Variants in MREG observed in about 807,000 individuals in gnomAD.
The protein encoded by MREG is melanoregulin.
In MREG, 31 loss-of-function variants were observed where a neutral mutation model predicts 28.5. The ratio of observed to expected loss-of-function variants is 1.09; its 90% CI spans 0.82 to 1.47. MREG has a LOEUF of 1.47. Among genes scored for constraint, MREG ranks in the 40% most tolerant of loss-of-function variants. The pLI is 0.00. For missense variants in MREG, 256 were observed against 257.4 expected (o/e 0.99, Z 0.04); for synonymous variants, 106 against 95.2 (o/e 1.11, Z -0.66).
At chr2:215,976,250 T>A (rs1693256481) in intron 2 of MREG, among the ~76,000 whole-genome samples, 1 of 152,234 alleles carries the variant, frequency 6.6e-6, no homozygotes, top group South Asian at 2.1e-4. Context: ...CCCATGCATC[T>A]TGCCTTCTAT....
intron 1 of MREG, among the ~76,000 whole-genome samples, chr2:216,007,484 C>T (rs562944771): frequency 6.6e-6 from 1 of 151,938 alleles, no homozygotes; most frequent in South Asian, 2.1e-4. Flanking sequence ...GGCTGGAGTG[C>T]AGTATCTCAA....
chr2:215,975,401 C>G (rs1387594143), intron 2 of MREG, among the ~76,000 whole-genome samples: 1 of 152,100 alleles, frequency 6.6e-6, no homozygotes, highest in East Asian at 1.9e-4. Flanking sequence ...GCCCACTGAC[C>G]ATAGGCTAGA....
intron 1 of MREG, among the ~76,000 whole-genome samples, chr2:215,997,372 T>C (rs753995267): frequency 6.6e-6 from 1 of 152,208 alleles, no homozygotes; most frequent in African/African-American, 2.4e-5. Flanking sequence ...AGAAGATTAG[T>C]GACAGAGCAT....
chr2:215,977,206 C>T (rs1270902459), intron 2 of MREG, among the ~76,000 whole-genome samples: 1 of 152,012 alleles, frequency 6.6e-6, no homozygotes, highest in Non-Finnish European at 1.5e-5. Flanking sequence ...AAATGGAAAC[C>T]AACAAAAAGC....
intron 2 of MREG, among the ~76,000 whole-genome samples, chr2:215,975,008 T>TTATA (rs58937716): frequency 0.035 from 3,750 of 106,550 alleles, 245 homozygotes; most frequent in African/African-American, 0.097. Context: ...TTTATATGAA[T>TTATA]TATATATATA....
intron 1 of MREG, among the ~76,000 whole-genome samples, chr2:216,031,695 A>AAGAG (rs1348716269): frequency 9.3e-6 from 1 of 106,954 alleles, no homozygotes; most frequent in African/African-American, 3.5e-5. Flanking sequence ...AAGAAAGAGA[A>AAGAG]AGAAAGAAAG....
At chr2:216,003,377 G>T (rs1399054882) in intron 1 of MREG, among the ~76,000 whole-genome samples, 1 of 152,106 alleles carries the variant, frequency 6.6e-6, no homozygotes, top group Non-Finnish European at 1.5e-5. Flanking sequence ...TGCTTTCAAG[G>T]CTCGAAGACG....
At chr2:215,984,267 C>A (rs1693505341) in intron 2 of MREG, among the ~76,000 whole-genome samples, 1 of 152,098 alleles carries the variant, frequency 6.6e-6, no homozygotes, top group Non-Finnish European at 1.5e-5. Flanking sequence ...TTACCTCCCC[C>A]CATGTCCATC....
At chr2:215,987,272 G>C (rs183504929) in intron 2 of MREG, among the ~76,000 whole-genome samples, 1 of 150,996 alleles carries the variant, frequency 6.6e-6, no homozygotes, top group East Asian at 1.9e-4. Flanking sequence ...TTTAGATGAA[G>C]TCTTGCTCTG....
intron 3 of MREG, among the ~76,000 whole-genome samples, chr2:215,946,773 G>A (rs764926837): frequency 2.0e-5 from 3 of 152,196 alleles, no homozygotes; most frequent in Non-Finnish European, 4.4e-5. Flanking sequence ...ACTGGCATGC[G>A]TACCCTATAC....
At chr2:216,001,229 A>G (rs1694006724) in intron 1 of MREG, among the ~76,000 whole-genome samples, 1 of 152,204 alleles carries the variant, frequency 6.6e-6, no homozygotes, top group Admixed American at 6.5e-5. Context: ...GTAAAGCTCT[A>G]TAGGAAGGTC....
intron 2 of MREG, among the ~76,000 whole-genome samples, chr2:215,950,638 A>G (rs1043199023): frequency 6.6e-6 from 1 of 152,338 alleles, no homozygotes; most frequent in Admixed American, 6.5e-5. Context: ...ATGAATAATT[A>G]TACATGAAAG....
At chr2:215,997,917 T>C (rs1379963265) in intron 1 of MREG, among the ~76,000 whole-genome samples, 2 of 152,146 alleles carry the variant, frequency 1.3e-5, no homozygotes, top group Admixed American at 1.3e-4. Context: ...AGTCCCCAGA[T>C]TGGGGTTCAG....
intron 2 of MREG, among the ~76,000 whole-genome samples, chr2:215,969,250 A>T (rs967393780): frequency 6.6e-6 from 1 of 152,186 alleles, no homozygotes; most frequent in South Asian, 2.1e-4. Flanking sequence ...TAATTGTATT[A>T]GTTTCCTGGT....
At chr2:215,967,838 T>A (rs1692986697) in intron 2 of MREG, among the ~76,000 whole-genome samples, 1 of 152,190 alleles carries the variant, frequency 6.6e-6, no homozygotes. Flanking sequence ...TGTGTCATAG[T>A]GAGTCCTAAG....
chr2:216,017,725 A>G (rs1694468264), upstream of MREG, among the ~76,000 whole-genome samples: 1 of 152,180 alleles, frequency 6.6e-6, no homozygotes, highest in South Asian at 2.1e-4. Context: ...TCCCCATAGC[A>G]GGGGAAACTC....
intron 1 of MREG, among the ~76,000 whole-genome samples, chr2:216,025,801 C>T (rs994974465): frequency 3.3e-5 from 5 of 152,226 alleles, no homozygotes; most frequent in Non-Finnish European, 7.3e-5. Context: ...AGCCACTGCT[C>T]GGCAATCCCT....
chr2:216,006,479 G>A (rs1451797662), intron 1 of MREG, among the ~76,000 whole-genome samples: 1 of 152,222 alleles, frequency 6.6e-6, no homozygotes, highest in African/African-American at 2.4e-5. Context: ...TTGTGCCCCT[G>A]CAGGCACTTC....
chr2:216,024,178 G>A (rs1694561658), intron 1 of MREG, among the ~76,000 whole-genome samples: 1 of 151,976 alleles, frequency 6.6e-6, no homozygotes, highest in Non-Finnish European at 1.5e-5. Context: ...TGTCACTTCA[G>A]GTAGGGAATT....
Sources: allele counts gnomAD v4.1 joint callset (sites outside exome capture counted in the v4.1 genomes callset), GRCh38; gene constraint gnomAD v4.1.1; transcripts MANE v1.5; gene names NCBI Gene and HGNC (gene_info 2026-07-23, HGNC 2026-07-21).